The following NEGR1 variants were observed in gnomAD, a reference collection of about 807,000 sequenced individuals.
The protein encoded by NEGR1 is IgLON family member 4.
In NEGR1, 10 loss-of-function variants were observed where a neutral mutation model predicts 40.9. The ratio of observed to expected loss-of-function variants is 0.24; its 90% CI spans 0.15 to 0.42. The LOEUF (loss-of-function observed/expected upper bound fraction) is 0.42. NEGR1 is among the 10% of genes least tolerant of loss of function. The pLI, the probability that NEGR1 is intolerant of heterozygous loss-of-function variation, is 1.00. For synonymous variants in NEGR1, 185 were observed against 166.8 expected (o/e 1.11, Z -0.84); for missense variants, 352 against 438.9 (o/e 0.80, Z 1.77).
intron 1 of NEGR1, among the ~76,000 whole-genome samples, chr1:71,956,363 A>C (rs1360747105): frequency 6.6e-6 from 1 of 152,158 alleles, no homozygotes; most frequent in Non-Finnish European, 1.5e-5. Context: ...TTATTAGAGG[A>C]AATTTTAAAA....
chr1:72,172,446 G>A (rs1651997072), intron 1 of NEGR1, among the ~76,000 whole-genome samples: 1 of 151,900 alleles, frequency 6.6e-6, no homozygotes, highest in Non-Finnish European at 1.5e-5. Flanking sequence ...TTAATAATGA[G>A]GACATGATTG....
At chr1:71,410,148 TA>T (rs1646309861) in intron 6 of NEGR1, among the ~76,000 whole-genome samples, 1 of 152,216 alleles carries the variant, frequency 6.6e-6, no homozygotes, top group Middle Eastern at 3.4e-3. Flanking sequence ...CAAATTTATA[TA>T]CTTTTTTGTT....
At chr1:71,931,822 A>G (rs934816749) in intron 2 of NEGR1, among the ~76,000 whole-genome samples, 2 of 152,206 alleles carry the variant, frequency 1.3e-5, no homozygotes, top group East Asian at 3.8e-4. Context: ...GTTTCTCAAC[A>G]TTACAGTATT....
intron 1 of NEGR1, among the ~76,000 whole-genome samples, chr1:72,118,026 T>C (rs1046026170): frequency 6.6e-5 from 10 of 151,842 alleles, no homozygotes; most frequent in African/African-American, 2.4e-4. Flanking sequence ...GAATTCTCTT[T>C]GGGCAAGAAA....
intron 1 of NEGR1, among the ~76,000 whole-genome samples, chr1:71,978,062 A>G (rs1646322106): frequency 6.6e-6 from 1 of 152,044 alleles, no homozygotes; most frequent in Non-Finnish European, 1.5e-5. Context: ...TGCATTATCA[A>G]AGGTGTGTTT....
chr1:71,897,907 A>G (rs1391197687), intron 2 of NEGR1, among the ~76,000 whole-genome samples: 1 of 152,208 alleles, frequency 6.6e-6, no homozygotes, highest in Non-Finnish European at 1.5e-5. Flanking sequence ...TGAGATTTTC[A>G]TAAATTCAGA....
intron 6 of NEGR1, among the ~76,000 whole-genome samples, chr1:71,475,986 T>TG (rs1398398486): frequency 6.6e-6 from 1 of 152,064 alleles, no homozygotes; most frequent in Non-Finnish European, 1.5e-5. Flanking sequence ...TAACATGTGT[T>TG]TGGAGTTTAT....
intron 4 of NEGR1, among the ~76,000 whole-genome samples, chr1:71,649,052 T>C (rs1651622817): frequency 6.6e-6 from 1 of 152,088 alleles, no homozygotes; most frequent in South Asian, 2.1e-4. Flanking sequence ...TTTACCATTC[T>C]CTGTAGTTAT....
At chr1:72,011,416 T>A (rs778688908) in intron 1 of NEGR1, among the ~76,000 whole-genome samples, 1 of 152,056 alleles carries the variant, frequency 6.6e-6, no homozygotes, top group Non-Finnish European at 1.5e-5. Context: ...GAAATACTGA[T>A]GTACAGATCA....
At position 71,869,883 on chromosome 1, in the gene NEGR1, CT is replaced by C. The variant is rs140029802; in HGVS notation, c.409+65195del. 2.9e-3 allele frequency among the ~76,000 whole-genome samples: 389 copies of C among 136,002 alleles called. 1 individual carries two copies. The highest frequency in any genetic ancestry group is 5.3e-3 in the African/African-American group (199 of 37,232). The allele number at this position is 136,002 out of a possible 152,430, so 89.2% of individuals were successfully genotyped here. A position where few individuals can be genotyped will look rare whatever the true frequency, so the allele number is the denominator to read the frequency against. ...ATGTTTGGATAGCTTTTCTTTCTTT[CT>C]TTTTTTTTTTTTTTTGACAGAGTCT... On this transcript the variant is annotated intron_variant, in intron 2 of 6. Coordinates refer to ENST00000357731, the MANE Select transcript of NEGR1 (RefSeq NM_173808.3).
chr1:72,273,389 C>T (rs1312102585), intron 1 of NEGR1, among the ~76,000 whole-genome samples: 1 of 151,890 alleles, frequency 6.6e-6, no homozygotes, highest in Non-Finnish European at 1.5e-5. Flanking sequence ...TCACAATAGA[C>T]ATTTTGCTAT....
intron 4 of NEGR1, 187 bp downstream of exon 4, chr1:71,697,821 T>A (rs1440829493): frequency 1.7e-6 from 1 of 577,162 alleles, no homozygotes; most frequent in Admixed American, 3.1e-5. Context: ...GTGGGTTTAC[T>A]TGGGACAATT....
At chr1:72,025,475 ACTAT>A (rs1172790559) in intron 1 of NEGR1, among the ~76,000 whole-genome samples, 2 of 152,170 alleles carry the variant, frequency 1.3e-5, no homozygotes, top group East Asian at 3.9e-4. Context: ...TGATTCAATA[ACTAT>A]CTAAGGAACA....
chr1:72,059,679 A>G (rs1313158697), intron 1 of NEGR1, among the ~76,000 whole-genome samples: 1 of 151,566 alleles, frequency 6.6e-6, no homozygotes, highest in African/African-American at 2.4e-5. Flanking sequence ...AATTTCCTCT[A>G]TTTTGGTTGG....
intron 6 of NEGR1, among the ~76,000 whole-genome samples, chr1:71,507,661 G>T (rs1321056277): frequency 6.6e-6 from 1 of 152,190 alleles, no homozygotes; most frequent in Non-Finnish European, 1.5e-5. Flanking sequence ...AACAGCCACT[G>T]CTGGGAATGT....
chr1:71,789,817 T>C (rs11209844), intron 2 of NEGR1, among the ~76,000 whole-genome samples: 103,359 of 151,914 alleles, frequency 0.68, 40,222 homozygotes, highest in Non-Finnish European at 0.86. Context: ...CCACCAAAAA[T>C]AAGCCAAACC....
chr1:71,772,139 A>G (rs1656351207), intron 3 of NEGR1, among the ~76,000 whole-genome samples: 1 of 152,132 alleles, frequency 6.6e-6, no homozygotes, highest in African/African-American at 2.4e-5. Flanking sequence ...ACTTACTTCC[A>G]TAAGGACATA....
chr1:72,220,917 T>TG (rs1475692582), intron 1 of NEGR1, among the ~76,000 whole-genome samples: 1 of 134,804 alleles, frequency 7.4e-6, no homozygotes, highest in Non-Finnish European at 1.5e-5. Flanking sequence ...ACCTAAAGTT[T>TG]TTTTTTTTTT....
chr1:72,066,859 T>C (rs1647287434), intron 1 of NEGR1, among the ~76,000 whole-genome samples: 2 of 152,080 alleles, frequency 1.3e-5, no homozygotes, highest in Admixed American at 6.6e-5. Flanking sequence ...GAGTCAAAAA[T>C]TTGGTAACTA....
Sources: gnomAD v4.1 joint callset for allele counts (sites outside exome capture counted in the v4.1 genomes callset) on GRCh38, gnomAD v4.1.1 for gene constraint, MANE v1.5 for transcripts, NCBI Gene and HGNC (gene_info 2026-07-23, HGNC 2026-07-21) for gene names.